Variants in TNS1 observed in about 807,000 individuals in gnomAD.
TNS1 encodes tensin 1.
Under a neutral mutation model 168.6 loss-of-function variants are expected in TNS1, and 62 were observed. The observed-to-expected ratio is 0.37, with a 90% CI of 0.30 to 0.45. The LOEUF is 0.45. Ranked by LOEUF, TNS1 falls within the 20% of genes least tolerant of loss-of-function variation. The probability of loss-of-function intolerance (pLI) is 1.00; values close to 1 mark genes in which losing one functional copy is unlikely to be tolerated. For missense variants in TNS1, 2,240 were observed against 2,339.4 expected (o/e 0.96, Z 0.88); for synonymous variants, 934 against 933.2 (o/e 1.00, Z -0.02).
At chr2:217,869,033 T>A (rs1485405688) in intron 18 of TNS1, among the ~76,000 whole-genome samples, 1 of 152,122 alleles carries the variant, frequency 6.6e-6, no homozygotes, top group Non-Finnish European at 1.5e-5. Flanking sequence ...GCTGAGGAAG[T>A]AGAGGGAGGG....
chr2:217,868,516 A>G (rs1410424838), intron 18 of TNS1, among the ~76,000 whole-genome samples: 1 of 152,366 alleles, frequency 6.6e-6, no homozygotes, highest in South Asian at 2.1e-4. Flanking sequence ...TCGGGGAAGC[A>G]TTTTATAAAG....
chr2:217,816,052 A>G (rs1941841239), intron 24 of TNS1, among the ~76,000 whole-genome samples: 1 of 152,206 alleles, frequency 6.6e-6, no homozygotes, highest in African/African-American at 2.4e-5. Flanking sequence ...GAGGGAGCTC[A>G]GACAGGACAC....
At chr2:217,895,918 A>G (rs1339313080) in intron 8 of TNS1, among the ~76,000 whole-genome samples, 1 of 152,242 alleles carries the variant, frequency 6.6e-6, no homozygotes, top group Non-Finnish European at 1.5e-5. Flanking sequence ...ACCAAGTCCC[A>G]TAGAACCCTG....
intron 3 of TNS1, among the ~76,000 whole-genome samples, chr2:217,941,318 A>T (rs191217939): frequency 3.0e-4 from 46 of 152,236 alleles, no homozygotes; most frequent in Admixed American, 5.2e-4. Context: ...TTGGGGGTGA[A>T]GCCTGTGGTG....
upstream of TNS1, among the ~76,000 whole-genome samples, chr2:218,015,322 G>C (rs2106004649): frequency 6.6e-6 from 1 of 152,176 alleles, no homozygotes; most frequent in East Asian, 1.9e-4. Context: ...CAGCCTTATA[G>C]CCAGAAAAGC....
intron 1 of TNS1, among the ~76,000 whole-genome samples, chr2:218,016,434 G>A (rs116575857): frequency 0.021 from 3,230 of 152,148 alleles, 88 homozygotes; most frequent in African/African-American, 0.068. Context: ...CATCTGGCTC[G>A]CTGCCACCCC....
At chr2:218,024,315 C>G (rs902183684) in intron 1 of TNS1, among the ~76,000 whole-genome samples, 1 of 151,880 alleles carries the variant, frequency 6.6e-6, no homozygotes, top group African/African-American at 2.4e-5. Context: ...CCCCCATCCC[C>G]CCACGGAATA....
chr2:217,876,492 C>T (rs1194480819), intron 18 of TNS1, among the ~76,000 whole-genome samples: 2 of 152,188 alleles, frequency 1.3e-5, no homozygotes, highest in African/African-American at 4.8e-5. Context: ...CTCCCCACCA[C>T]CTGTCCTTGA....
Position 217,847,956 on chromosome 2 carries a change from T to C in TNS1, c.2561A>G (p.His854Arg). 4.0e-6 allele frequency: 6 copies of C among 1,513,438 alleles called. No individual in the cohort carries two copies. The highest frequency in any genetic ancestry group is 4.4e-6 in the Non-Finnish European group (5 of 1,128,468). 93.8% of individuals were successfully genotyped at this position (1,513,438 alleles called of 1,614,324 possible). The change falls in exon 19 of 33, where the codon CAC becomes CGC. Residue 854 changes from histidine (H) to arginine (R), a missense_variant. His to Arg is a conservative substitution (Grantham distance 29). Around this residue, in one of 2 missense-constraint regions of TNS1, gnomAD observed 2,131 missense variants for 2,171.2 expected, o/e 0.98. Transcript: ENST00000682258. Reference protein sequence around the residue: ...LEPASAAAPLHKSQSVPGAWP... With the variant: ...LEPASAAAPLRKSQSVPGAWP... ...GGCCCCGGGGACACTCTGGGACTTG[T>C]GTAGTGGGGCAGCAGCGGAGGCTGG...
intron 3 of TNS1, among the ~76,000 whole-genome samples, chr2:217,927,785 G>A (rs1956110636): frequency 6.6e-6 from 1 of 152,178 alleles, no homozygotes; most frequent in African/African-American, 2.4e-5. Context: ...GACCTGGCAT[G>A]CCCACAGCTC....
intron 1 of TNS1, among the ~76,000 whole-genome samples, chr2:218,015,529 C>T (rs547386376): frequency 6.6e-6 from 1 of 152,246 alleles, no homozygotes; most frequent in African/African-American, 2.4e-5. Flanking sequence ...AATTCCAGAC[C>T]ATTTCCTCTT....
chr2:217,876,824 G>T (rs1041877546), intron 18 of TNS1, among the ~76,000 whole-genome samples: 1 of 152,184 alleles, frequency 6.6e-6, no homozygotes, highest in Non-Finnish European at 1.5e-5. Context: ...AAGCCAAGGA[G>T]AGAGGTCTCA....
At chr2:218,014,213 C>T (rs562266637), upstream of TNS1, among the ~76,000 whole-genome samples, 2 of 152,152 alleles carry the variant, frequency 1.3e-5, no homozygotes, top group Non-Finnish European at 2.9e-5. Context: ...GCTTTCACAC[C>T]CACAGACAGA....
At chr2:218,019,407 A>C (rs915665216) in intron 1 of TNS1, among the ~76,000 whole-genome samples, 3 of 152,268 alleles carry the variant, frequency 2.0e-5, no homozygotes, top group Admixed American at 6.5e-5. Flanking sequence ...CACCTTGACT[A>C]TAATGAGGTG....
intron 1 of TNS1, among the ~76,000 whole-genome samples, chr2:217,996,833 C>G (rs1381103393): frequency 6.6e-6 from 1 of 152,108 alleles, no homozygotes; most frequent in Non-Finnish European, 1.5e-5. Context: ...CTCCACTCAC[C>G]CCAAATGCTG....
intron 2 of TNS1, among the ~76,000 whole-genome samples, chr2:217,982,080 T>C (rs1302315161): frequency 6.6e-6 from 1 of 152,220 alleles, no homozygotes; most frequent in Non-Finnish European, 1.5e-5. Context: ...AGCCTTGGTC[T>C]CTTGGATCAC....
Position 217,920,290 on chromosome 2 carries a change from C to A in TNS1, c.187-54G>T, listed in dbSNP as rs984984172. The A allele has an allele frequency of 8.4e-5, 59 of 702,694 alleles. 1 individual carries two copies. The highest frequency in any genetic ancestry group is 7.8e-6 in the Non-Finnish European group (3 of 384,880). 43.5% of individuals were successfully genotyped at this position (702,694 alleles called of 1,614,324 possible). On this transcript the variant is annotated intron_variant, in intron 3 of 32. Transcript: ENST00000682258. ...GAGCATATCTTGTCTCTAGAGACAG[C>A]CAGCACCTCCTGAGGTCACCCCACA...
At chr2:217,905,357 C>G (rs1348395352) in intron 6 of TNS1, 4 of 450,968 alleles carry the variant, frequency 8.9e-6, no homozygotes, top group Non-Finnish European at 1.8e-5. Context: ...TGGAGAGGCC[C>G]CATGCGGTCC....
At chr2:217,957,161 G>GCT (rs1957385593) in intron 3 of TNS1, among the ~76,000 whole-genome samples, 1 of 152,188 alleles carries the variant, frequency 6.6e-6, no homozygotes, top group Non-Finnish European at 1.5e-5. Flanking sequence ...CGGTAAGGCA[G>GCT]CTGTGCTTCC....
Sources: gnomAD v4.1 joint callset for allele counts (sites outside exome capture counted in the v4.1 genomes callset) on GRCh38, gnomAD v4.1.1 for gene constraint, gnomAD v4.1.1 regional missense constraint, MANE v1.5 for transcripts, NCBI Gene and HGNC (gene_info 2026-07-23, HGNC 2026-07-21) for gene names.